Variants in LZTS1 observed in about 807,000 individuals in gnomAD.
LZTS1 encodes leucine zipper putative tumor suppressor 1.
Under a neutral mutation model 45.8 loss-of-function variants are expected in LZTS1, and 31 were observed. The observed-to-expected ratio is 0.68, with a 90% confidence interval of 0.51 to 0.91. The LOEUF (loss-of-function observed/expected upper bound fraction) is 0.91. Among genes scored for constraint, LZTS1 ranks in the 40% least tolerant of loss-of-function variants. LZTS1 has a pLI of 0.00. For synonymous variants in LZTS1, 359 were observed against 357.3 expected, an observed-to-expected ratio of 1.00 and a Z score of -0.05; for missense variants, 821 against 788.9, an observed-to-expected ratio of 1.04 and a Z score of -0.49.
intron 1 of LZTS1, among the ~76,000 whole-genome samples, chr8:20,273,298 T>C (rs115376523): frequency 0.018 from 2,730 of 152,286 alleles, 76 homozygotes; most frequent in African/African-American, 0.062. Context: ...TGGATGCTTT[T>C]CAGGCTGTAT....
Position 20,303,770 on chromosome 8 carries a change from CTT to C in LZTS1, c.-167_-166del, listed in dbSNP as rs1251063982. On this transcript the variant is annotated 5_prime_UTR_variant, in exon 1 of 4. Coordinates refer to ENST00000381569, the MANE Select transcript of LZTS1 (RefSeq NM_021020.5). ...CCCTGCGCCTCGGGCGCACTTGAGA[CTT>C]TTTTTTTTTCCCAGTGTTTCCCGGT... is the stretch of plus-strand genomic sequence containing the variant. The C allele has an allele frequency of 7.5e-6, 6 of 795,834 alleles. No homozygotes were observed. The highest frequency in any genetic ancestry group is 9.1e-6 in the Non-Finnish European group (6 of 658,872). 49.3% of individuals were successfully genotyped at this position (795,834 alleles called of 1,614,324 possible).
chr8:20,291,557 C>T (rs1317740460), intron 1 of LZTS1, among the ~76,000 whole-genome samples: 3 of 152,220 alleles, frequency 2.0e-5, no homozygotes, highest in Admixed American at 2.0e-4. Flanking sequence ...GGCCAAGTGA[C>T]TTGCCTGATG....
Position 20,268,243 on chromosome 8 carries a change from T to G in LZTS1, c.-134-12928A>C, listed in dbSNP as rs576488252. 2.5e-3 allele frequency among the ~76,000 whole-genome samples: 361 copies of G among 142,048 alleles called. 3 individuals carry two copies. Among genetic ancestry groups the G allele is most frequent in the African/African-American group, 8.8e-3 (341 of 38,752 alleles). 93.2% of individuals were successfully genotyped at this position (142,048 alleles called of 152,430 possible). Reference sequence around the variant, plus strand: ...GAGGGCAGCTGCTCTTGCAGAGATGTGAGAACAGTCCCCAGGCATCTGCCA... The same window carrying G: ...GAGGGCAGCTGCTCTTGCAGAGATGGGAGAACAGTCCCCAGGCATCTGCCA... On this transcript the variant is annotated intron_variant, in intron 1 of 3. Coordinates refer to ENST00000381569, the MANE Select transcript of LZTS1 (RefSeq NM_021020.5).
chr8:20,303,351 C>T (rs1801114330), intron 1 of LZTS1, among the ~76,000 whole-genome samples: 1 of 152,164 alleles, frequency 6.6e-6, no homozygotes, highest in Admixed American at 6.5e-5. Context: ...TCCTGCGGCC[C>T]CTGCTCCTGC....
intron 1 of LZTS1, among the ~76,000 whole-genome samples, chr8:20,256,986 GAGA>G (rs1343839321): frequency 2.0e-5 from 3 of 152,160 alleles, no homozygotes; most frequent in Non-Finnish European, 4.4e-5. Context: ...AAGAGCAGCA[GAGA>G]AGGTTTTCAG....
intron 1 of LZTS1, among the ~76,000 whole-genome samples, chr8:20,298,699 C>T (rs1430404370): frequency 6.6e-6 from 1 of 152,090 alleles, no homozygotes; most frequent in Non-Finnish European, 1.5e-5. Context: ...CTTATTTCTA[C>T]AAAAATTAAA....
chr8:20,278,018 C>T (rs1030213846), intron 1 of LZTS1, among the ~76,000 whole-genome samples: 3 of 152,092 alleles, frequency 2.0e-5, no homozygotes, highest in East Asian at 3.9e-4. Context: ...AGTAGGTAGT[C>T]GGGCAGGCAT....
chr8:20,282,304 C>T (rs1378856633), intron 1 of LZTS1, among the ~76,000 whole-genome samples: 1 of 152,170 alleles, frequency 6.6e-6, no homozygotes, highest in Non-Finnish European at 1.5e-5. Flanking sequence ...GAAAGGCTTG[C>T]CTCTGAGCAG....
intron 1 of LZTS1, among the ~76,000 whole-genome samples, chr8:20,269,978 G>A (rs1375392809): frequency 6.6e-6 from 1 of 152,192 alleles, no homozygotes; most frequent in Non-Finnish European, 1.5e-5. Context: ...GAAAGAGGGT[G>A]TTGGGGCCCC....
At chr8:20,255,848 G>A (rs2128893067) in intron 1 of LZTS1, among the ~76,000 whole-genome samples, 1 of 152,136 alleles carries the variant, frequency 6.6e-6, no homozygotes, top group South Asian at 2.1e-4. Context: ...GCTGAGGTGG[G>A]CAGATTGCTT....
chr8:20,274,287 C>T (rs531479087), intron 1 of LZTS1, among the ~76,000 whole-genome samples: 1 of 152,286 alleles, frequency 6.6e-6, no homozygotes, highest in African/African-American at 2.4e-5. Context: ...GTTTATGCAT[C>T]GTATTTTATT....
At chr8:20,256,499 G>A (rs1563862322) in intron 1 of LZTS1, among the ~76,000 whole-genome samples, 1 of 152,050 alleles carries the variant, frequency 6.6e-6, no homozygotes, top group Non-Finnish European at 1.5e-5. Context: ...GGTAGTTGTG[G>A]ATTTAGATGT....
At chr8:20,279,516 A>G (rs1800644655) in intron 1 of LZTS1, among the ~76,000 whole-genome samples, 2 of 151,982 alleles carry the variant, frequency 1.3e-5, no homozygotes, top group East Asian at 1.9e-4. Context: ...CCTGGGTGAC[A>G]TAGTGAGACC....
chr8:20,250,325 C>T lies in LZTS1; in HGVS notation c.1188G>A (p.Gln396=), dbSNP rs748372020. 3.1e-6 allele frequency: 5 copies of T among 1,610,874 alleles called. No homozygotes were observed. In the Admixed American group the frequency reaches 5.0e-5, roughly 16 times the overall value. ...QKSGEISLLK[Q]QLKESQTEVN... ...CCTCCGTCTGGGACTCCTTCAGCTG[C>T]TGCTTCAGGAGGGAGATCTCGCCTG... Residue 396 remains glutamine (Q), a synonymous_variant, in exon 4 of 4, where the codon CAG becomes CAA. Transcript: ENST00000381569.
intron 1 of LZTS1, among the ~76,000 whole-genome samples, chr8:20,300,809 T>C (rs574642607): frequency 1.3e-5 from 2 of 151,708 alleles, no homozygotes; most frequent in Non-Finnish European, 2.9e-5. Context: ...CTTGGAGGAG[T>C]TGATCCCTAT....
intron 1 of LZTS1, among the ~76,000 whole-genome samples, chr8:20,271,381 G>A (rs1800472236): frequency 6.6e-6 from 1 of 152,164 alleles, no homozygotes; most frequent in South Asian, 2.1e-4. Flanking sequence ...TTAACCTCTT[G>A]TTGGAAGCCC....
chr8:20,275,125 G>A (rs1362402919), intron 1 of LZTS1, among the ~76,000 whole-genome samples: 2 of 152,150 alleles, frequency 1.3e-5, no homozygotes, highest in Admixed American at 1.3e-4. Context: ...ATTATGGTTG[G>A]GCGCCATGGC....
chr8:20,262,253 G>A (rs1345318511), intron 1 of LZTS1, among the ~76,000 whole-genome samples: 2 of 152,198 alleles, frequency 1.3e-5, no homozygotes, highest in Non-Finnish European at 2.9e-5. Context: ...CTGCACTGTG[G>A]GGGAACATTT....
chr8:20,260,854 C>T (rs1329025355), intron 1 of LZTS1, among the ~76,000 whole-genome samples: 1 of 152,128 alleles, frequency 6.6e-6, no homozygotes, highest in African/African-American at 2.4e-5. Context: ...CTGGCCACTC[C>T]CCAGGTCTTG....
Sources: gnomAD v4.1 joint callset for allele counts (sites outside exome capture counted in the v4.1 genomes callset) on GRCh38, gnomAD v4.1.1 for gene constraint, MANE v1.5 for transcripts, NCBI Gene and HGNC (gene_info 2026-07-23, HGNC 2026-07-21) for gene names.